GBE1: variants seen among roughly 807,000 people sequenced by gnomAD.
GBE1 encodes 1,4-alpha-glucan branching enzyme 1, also known as 1,4-alpha-glucan-branching enzyme.
Under a neutral mutation model 88.8 loss-of-function variants are expected in GBE1, and 70 were observed. That is an observed-to-expected ratio of 0.79 (90% confidence interval 0.65 to 0.96). The LOEUF is 0.96. Ranked by LOEUF, GBE1 falls within the 40% of genes least tolerant of loss-of-function variation. GBE1 has a pLI of 0.00. For missense variants in GBE1, 872 were observed against 871.0 expected (o/e 1.00, Z -0.01); for synonymous variants, 284 against 300.1 (o/e 0.95, Z 0.56).
chr3:81,687,716 GA>G (rs1048319979), intron 2 of GBE1, among the ~76,000 whole-genome samples: 1 of 152,108 alleles, frequency 6.6e-6, no homozygotes, highest in South Asian at 2.1e-4. Flanking sequence ...CAAAAGCAGA[GA>G]AAAAATTAGA....
chr3:81,642,538 A>C, intron 7 of GBE1: 1 of 327,902 alleles, frequency 3.0e-6, no homozygotes, highest in Non-Finnish European at 5.5e-6. Flanking sequence ...AAAATTTTTA[A>C]ATGATTATAT....
chr3:81,526,132 A>C (rs963819415), intron 14 of GBE1, among the ~76,000 whole-genome samples: 1 of 151,974 alleles, frequency 6.6e-6, no homozygotes, highest in African/African-American at 2.4e-5. Context: ...TTAGGGTGTC[A>C]ATTTTAGATC....
intron 12 of GBE1, among the ~76,000 whole-genome samples, chr3:81,548,954 C>G (rs1246464015): frequency 6.6e-6 from 1 of 150,870 alleles, no homozygotes. Context: ...AAGTATACTC[C>G]TGTGAACAAA....
At chr3:81,531,523 T>C (rs1032538061) in intron 14 of GBE1, among the ~76,000 whole-genome samples, 30 of 151,976 alleles carry the variant, frequency 2.0e-4, no homozygotes, top group Non-Finnish European at 7.4e-5. Context: ...AAGGTCCAAG[T>C]GTTCCTCCGT....
intron 2 of GBE1, among the ~76,000 whole-genome samples, chr3:81,680,494 CAAAAAAAAA>C (rs10711455): frequency 2.1e-5 from 2 of 94,712 alleles, no homozygotes; most frequent in South Asian, 3.6e-4. Flanking sequence ...GACTCCGTCT[CAAAAAAAAA>C]AAAAAAAAAA....
chr3:81,661,625 T>G (rs1456998111), intron 3 of GBE1, among the ~76,000 whole-genome samples: 1 of 152,160 alleles, frequency 6.6e-6, no homozygotes, highest in African/African-American at 2.4e-5. Flanking sequence ...GAGGAATATC[T>G]TAAAGATGCC....
At chr3:81,629,912 T>C (rs1704482476) in intron 7 of GBE1, among the ~76,000 whole-genome samples, 1 of 127,004 alleles carries the variant, frequency 7.9e-6, no homozygotes, top group African/African-American at 3.0e-5. Context: ...TTCCCCTTCC[T>C]GTGTCCATGT....
At chr3:81,497,073 A>G (rs2106806714) in intron 15 of GBE1, among the ~76,000 whole-genome samples, 1 of 152,292 alleles carries the variant, frequency 6.6e-6, no homozygotes, top group Admixed American at 6.5e-5. Flanking sequence ...CTGATAATTT[A>G]CAACTGCATT....
chr3:81,679,686 T>C (rs572745862), intron 2 of GBE1, among the ~76,000 whole-genome samples: 1 of 152,346 alleles, frequency 6.6e-6, no homozygotes, highest in South Asian at 2.1e-4. Context: ...GTAACTCTGA[T>C]TATTCTCTCC....
chr3:81,567,910 C>T (rs1365766436), intron 12 of GBE1, among the ~76,000 whole-genome samples: 1 of 152,114 alleles, frequency 6.6e-6, no homozygotes, highest in East Asian at 1.9e-4. Context: ...ATGCAATGTC[C>T]ACTTCTTTAC....
intron 13 of GBE1, among the ~76,000 whole-genome samples, chr3:81,536,565 C>T (rs1009662587): frequency 6.6e-6 from 1 of 151,950 alleles, no homozygotes; most frequent in African/African-American, 2.4e-5. Flanking sequence ...TAATTATTTA[C>T]ATAAAAAAGT....
chr3:81,746,694 T>G (rs1250283624), intron 1 of GBE1, among the ~76,000 whole-genome samples: 1 of 152,154 alleles, frequency 6.6e-6, no homozygotes, highest in Non-Finnish European at 1.5e-5. Context: ...ATTTGGAATA[T>G]AAATCAATAA....
At chr3:81,508,284 A>T (rs1178163439) in intron 14 of GBE1, among the ~76,000 whole-genome samples, 1 of 152,130 alleles carries the variant, frequency 6.6e-6, no homozygotes, top group Non-Finnish European at 1.5e-5. Flanking sequence ...TAAACTAAAA[A>T]ATGTCACTGT....
In GBE1 at chr3:81,696,973, C is replaced by T. The variant is rs1234575348; in HGVS notation, c.313+8471G>A. 2.6e-5 allele frequency among the ~76,000 whole-genome samples: 4 copies of T among 152,040 alleles called. No homozygotes were observed. The South Asian group carries it at 6.2e-4, about 24-fold the overall frequency. On this transcript the variant is annotated intron_variant, in intron 2 of 15. Coordinates refer to ENST00000429644, the MANE Select transcript of GBE1 (RefSeq NM_000158.4). ...GACCAAAGGTATGGGAACTTCTCCC[C>T]ACCACCAAGCAGCAGACACCAACTG...
intron 12 of GBE1, among the ~76,000 whole-genome samples, chr3:81,554,988 C>A (rs536867311): frequency 6.6e-5 from 10 of 152,290 alleles, no homozygotes; most frequent in African/African-American, 2.2e-4. Context: ...TGCTTCCCTG[C>A]TATCAGCTCT....
At chr3:81,512,917 AAAT>A (rs1381074487) in intron 14 of GBE1, among the ~76,000 whole-genome samples, 1 of 151,748 alleles carries the variant, frequency 6.6e-6, no homozygotes, top group Non-Finnish European at 1.5e-5. Flanking sequence ...ATTCTCATAA[AAAT>A]TGAAAAAAAA....
intron 7 of GBE1, among the ~76,000 whole-genome samples, chr3:81,599,567 T>C (rs1327671994): frequency 1.3e-5 from 2 of 152,158 alleles, no homozygotes; most frequent in African/African-American, 2.4e-5. Context: ...TGGAGGCAAT[T>C]GTAATGCAAG....
intron 14 of GBE1, among the ~76,000 whole-genome samples, chr3:81,508,588 AG>A (rs1262242127): frequency 1.3e-5 from 2 of 152,174 alleles, no homozygotes; most frequent in Non-Finnish European, 2.9e-5. Context: ...ATTTTGATTC[AG>A]GCTATAAACA....
chr3:81,697,742 G>C (rs1157883143), intron 2 of GBE1, among the ~76,000 whole-genome samples: 2 of 152,060 alleles, frequency 1.3e-5, no homozygotes, highest in African/African-American at 4.8e-5. Context: ...TCTCAGGGTA[G>C]AGTCTTAACA....
Sources: allele counts gnomAD v4.1 joint callset (sites outside exome capture counted in the v4.1 genomes callset), GRCh38; gene constraint gnomAD v4.1.1; transcripts MANE v1.5; gene names NCBI Gene and HGNC (gene_info 2026-07-23, HGNC 2026-07-21).